The following ASNS variants were observed in gnomAD, a reference collection of about 807,000 sequenced individuals.
ASNS encodes the protein asparagine synthetase (glutamine-hydrolyzing).
Under a neutral mutation model 62.6 loss-of-function variants are expected in ASNS, and 37 were observed. The ratio of observed to expected loss-of-function variants is 0.59; its 90% CI spans 0.45 to 0.78. The LOEUF (loss-of-function observed/expected upper bound fraction) is 0.78, where lower values mean the gene tolerates loss of function less well. Among genes scored for constraint, ASNS ranks in the 30% least tolerant of loss-of-function variants. The pLI is 0.00. For missense variants in ASNS, 520 were observed against 682.4 expected, an observed-to-expected ratio of 0.76 and a Z score of 2.65; for synonymous variants, 207 against 237.9, an observed-to-expected ratio of 0.87 and a Z score of 1.19.
At chr7:97,874,907 AGT>A (rs1336041619), upstream of ASNS, among the ~76,000 whole-genome samples, 11 of 152,366 alleles carry the variant, frequency 7.2e-5, no homozygotes, top group African/African-American at 2.6e-4. Context: ...CTGTTTTGAC[AGT>A]TCTATTTTCA....
chr7:97,924,059 A>G, the ASNS span, among the ~76,000 whole-genome samples: 1 of 152,090 alleles, frequency 6.6e-6, no homozygotes, highest in Admixed American at 6.6e-5. Context: ...TGAGAAACAC[A>G]TATCAAGATC....
chr7:97,879,480 G>A, the ASNS span, among the ~76,000 whole-genome samples: 1 of 152,200 alleles, frequency 6.6e-6, no homozygotes, highest in Admixed American at 6.5e-5. Flanking sequence ...TAGATAGGAT[G>A]TTAAGTTGTC....
Position 97,853,160 on chromosome 7 carries a change from G to C in ASNS, c.1376C>G (p.Pro459Arg). The C allele has an allele frequency of 6.2e-7, 1 of 1,611,626 alleles. No individual in the cohort carries two copies. Among genetic ancestry groups the C allele is most frequent in the Non-Finnish European group, 8.5e-7 (1 of 1,179,088 alleles). Residue 459 changes from proline to arginine, a missense_variant, in exon 12 of 13, where the codon CCC becomes CGC. Pro to Arg is a moderately radical substitution (Grantham distance 103). Transcript: ENST00000394308. ...TTTTGGTCGCCAGAGAATCTCTTTG[G>C]GTATCAGATTGGAATCCTCAAACGT... ...RETFEDSNLI[P>R]KEILWRPKEA...
the ASNS span, among the ~76,000 whole-genome samples, chr7:97,924,731 G>T: frequency 6.6e-6 from 1 of 152,252 alleles, no homozygotes; most frequent in African/African-American, 2.4e-5. Flanking sequence ...AGTCTAGGTG[G>T]GTGATATTCT....
chr7:97,908,305 C>A, the ASNS span: 1 of 152,184 alleles, frequency 6.6e-6, no homozygotes, highest in African/African-American at 2.4e-5. Context: ...ACCAATCGAC[C>A]GCTCCAGAGG....
Position 97,854,637 on chromosome 7 carries a change from A to G in ASNS, c.1181T>C (p.Leu394Pro). The G allele has an allele frequency of 6.2e-7, 1 of 1,614,182 alleles. No homozygotes were observed. Residue 394 changes from leucine to proline, a missense_variant, in exon 10 of 13, where the codon CTG becomes CCG. By Grantham distance (98) the Leu-to-Pro change is moderately conservative. Coordinates refer to ENST00000394308, the MANE Select transcript of ASNS (RefSeq NM_001673.5). ...EKAEEESERL[L>P]RELYLFDVLR... The stretch of plus-strand genomic sequence containing the variant: ...AACATCAAACAAATAGAGTTCCCTC[A>G]GAAGCCTCTCACTCTCCTCCTCGGC...
chr7:97,852,924 T>A (rs547578772), intron 12 of ASNS, 136 bp downstream of exon 12: 1 of 751,194 alleles, frequency 1.3e-6, no homozygotes, highest in East Asian at 2.9e-5. Flanking sequence ...ATCTGATGTA[T>A]GTATCATTCA....
intron 10 of ASNS, 99 bp downstream of exon 10, chr7:97,854,481 G>C: frequency 3.5e-6 from 5 of 1,419,892 alleles, no homozygotes; most frequent in Non-Finnish European, 3.9e-6. Flanking sequence ...TAGCCAATCA[G>C]CTATTGATTT....
At chr7:97,917,237 A>G in the ASNS span, among the ~76,000 whole-genome samples, 2 of 131,244 alleles carry the variant, frequency 1.5e-5, no homozygotes, top group Non-Finnish European at 3.3e-5. Flanking sequence ...AAAAAAAAAA[A>G]AGGTTAATGA....
chr7:97,878,059 G>A, the ASNS span, among the ~76,000 whole-genome samples: 102 of 152,306 alleles, frequency 6.7e-4, no homozygotes, highest in Non-Finnish European at 1.2e-3. Context: ...AGGTGATGGC[G>A]TAGGATGCAG....
At chr7:97,864,147 C>T (rs1271695453) in intron 4 of ASNS, 112 bp downstream of exon 4, 56 of 922,306 alleles carry the variant, frequency 6.1e-5, no homozygotes, top group Non-Finnish European at 8.1e-5. Context: ...AGACTCATAA[C>T]TTAGTCACTT....
intron 7 of ASNS, among the ~76,000 whole-genome samples, chr7:97,857,053 G>A (rs1311703251): frequency 6.6e-6 from 1 of 152,104 alleles, no homozygotes; most frequent in African/African-American, 2.4e-5. Context: ...CTGGTGCCAA[G>A]GCTTCAACCA....
At chr7:97,853,575 A>G (rs1361771635) in intron 10 of ASNS, among the ~76,000 whole-genome samples, 189 bp from the exon 11 acceptor site, 3 of 152,226 alleles carry the variant, frequency 2.0e-5, no homozygotes, top group South Asian at 2.1e-4. Context: ...TTCATTTAAA[A>G]TAATACATAT....
intron 4 of ASNS, chr7:97,863,928 G>A (rs551866432): frequency 4.3e-6 from 1 of 230,286 alleles, no homozygotes; most frequent in Admixed American, 5.1e-5. Context: ...ACTGCGCAAA[G>A]TACCACAATG....
chr7:97,888,733 C>T, the ASNS span, among the ~76,000 whole-genome samples: 2 of 152,144 alleles, frequency 1.3e-5, no homozygotes, highest in African/African-American at 2.4e-5. Context: ...TCTTCTCATG[C>T]AGAGCTGATG....
chr7:97,891,266 G>A, the ASNS span, among the ~76,000 whole-genome samples: 2 of 152,170 alleles, frequency 1.3e-5, no homozygotes, highest in African/African-American at 4.8e-5. Context: ...ACTATCATGA[G>A]AACAGCATGG....
At chr7:97,910,314 T>C in the ASNS span, among the ~76,000 whole-genome samples, 1 of 152,172 alleles carries the variant, frequency 6.6e-6, no homozygotes, top group Non-Finnish European at 1.5e-5. Flanking sequence ...TGTAGAAACA[T>C]GGAACTATAG....
the ASNS span, among the ~76,000 whole-genome samples, chr7:97,886,659 AAAAAG>A: frequency 1.3e-5 from 2 of 152,168 alleles, no homozygotes; most frequent in Admixed American, 1.3e-4. Context: ...AAAACAAAAA[AAAAAG>A]AAAAGAAAAC....
intron 10 of ASNS, among the ~76,000 whole-genome samples, chr7:97,854,353 T>C (rs1791326819): frequency 6.6e-6 from 1 of 152,236 alleles, no homozygotes; most frequent in South Asian, 2.1e-4. Context: ...CTTCTCTCCA[T>C]ATACCACAAC....
Sources: allele counts gnomAD v4.1 joint callset (sites outside exome capture counted in the v4.1 genomes callset), GRCh38; gene constraint gnomAD v4.1.1; transcripts MANE v1.5; gene names NCBI Gene and HGNC (gene_info 2026-07-23, HGNC 2026-07-21).